Variants in MGRN1 observed in about 807,000 individuals in gnomAD.
MGRN1 encodes the protein mahogunin ring finger 1, also known as E3 ubiquitin-protein ligase MGRN1.
Under a neutral mutation model 69.2 loss-of-function variants are expected in MGRN1, and 29 were observed. The observed-to-expected ratio is 0.42, with a 90% CI of 0.31 to 0.57. MGRN1 has a LOEUF of 0.57. Among genes scored for constraint, MGRN1 ranks in the 20% least tolerant of loss-of-function variants. The pLI is 0.15. For missense variants in MGRN1, 998 were observed against 796.2 expected (o/e 1.25, Z -3.05); for synonymous variants, 470 against 344.2 (o/e 1.37, Z -4.04).
At chr16:4,637,116 C>T (rs1306963652) in intron 1 of MGRN1, among the ~76,000 whole-genome samples, 3 of 97,800 alleles carry the variant, frequency 3.1e-5, no homozygotes, top group African/African-American at 4.7e-5. Context: ...AAGACTCCAT[C>T]TCAAAAAAAA....
At chr16:4,641,325 C>T (rs1235202051) in intron 1 of MGRN1, among the ~76,000 whole-genome samples, 1 of 151,892 alleles carries the variant, frequency 6.6e-6, no homozygotes, top group Non-Finnish European at 1.5e-5. Context: ...TGTGGATACC[C>T]ATGTGTGAGC....
chr16:4,651,915 T>G (rs765147111), intron 2 of MGRN1, 48 bp from the exon 3 acceptor site: 3 of 1,562,826 alleles, frequency 1.9e-6, no homozygotes, highest in South Asian at 1.1e-5. Context: ...TTTCTGTTGT[T>G]GGCTGCTCCT....
At chr16:4,686,301 C>G (rs998499702) in intron 16 of MGRN1, 2 of 1,544,808 alleles carry the variant, frequency 1.3e-6, no homozygotes, top group African/African-American at 1.4e-5. Context: ...GACGAGTAAG[C>G]CGGTACGTGA....
chr16:4,676,462 G>T (rs919892920), intron 10 of MGRN1, among the ~76,000 whole-genome samples: 4 of 152,200 alleles, frequency 2.6e-5, no homozygotes, highest in Non-Finnish European at 4.4e-5. Context: ...GGTGTGTGGG[G>T]TCAGTGGGTC....
At chr16:4,632,965 C>T (rs1898085145) in intron 1 of MGRN1, among the ~76,000 whole-genome samples, 1 of 152,142 alleles carries the variant, frequency 6.6e-6, no homozygotes. Context: ...CACCTTTAGT[C>T]CTAGCTACCT....
At chr16:4,648,681 ACCCGGGTCCTCCT>A (rs2078332640) in intron 1 of MGRN1, among the ~76,000 whole-genome samples, 1 of 82,230 alleles carries the variant, frequency 1.2e-5, no homozygotes, top group South Asian at 4.9e-4. Flanking sequence ...TCCCGTGGTC[ACCCGGGTCCTCCT>A]CCCGGGGGCT....
chr16:4,687,054 C>A (rs1384967794), intron 16 of MGRN1: 1 of 985,624 alleles, frequency 1.0e-6, no homozygotes, highest in African/African-American at 1.7e-5. Flanking sequence ...CACCGTGGGC[C>A]TGGCATCACC....
chr16:4,674,702 G>A (rs1198190852), intron 10 of MGRN1, among the ~76,000 whole-genome samples: 4 of 130,072 alleles, frequency 3.1e-5, no homozygotes, highest in East Asian at 5.2e-4. Context: ...CTGCAGTGGC[G>A]CAATCTCGGC....
intron 4 of MGRN1, among the ~76,000 whole-genome samples, chr16:4,653,112 C>T (rs1241737440): frequency 6.6e-6 from 1 of 152,234 alleles, no homozygotes; most frequent in Non-Finnish European, 1.5e-5. Flanking sequence ...ACTTCAGATG[C>T]CACTCATAAG....
intron 8 of MGRN1, among the ~76,000 whole-genome samples, chr16:4,668,809 TACAG>T (rs757123920): frequency 4.7e-5 from 7 of 150,366 alleles, no homozygotes; most frequent in Admixed American, 2.0e-4. Flanking sequence ...CACACACGTA[TACAG>T]ACACACACTC....
At chr16:4,657,916 G>T (rs912225560) in intron 5 of MGRN1, among the ~76,000 whole-genome samples, 1 of 151,386 alleles carries the variant, frequency 6.6e-6, no homozygotes, top group Non-Finnish European at 1.5e-5. Flanking sequence ...CTAATTTTTT[G>T]TATTTTTAGT....
intron 1 of MGRN1, among the ~76,000 whole-genome samples, chr16:4,646,516 G>A (rs1296940725): frequency 6.6e-6 from 1 of 152,050 alleles, no homozygotes; most frequent in African/African-American, 2.4e-5. Context: ...CCGGCATGCC[G>A]GTGCTGGGTT....
At chr16:4,665,325 TGAGGCC>T (rs1381517140) in intron 7 of MGRN1, among the ~76,000 whole-genome samples, 174 bp downstream of exon 7, 2 of 150,436 alleles carry the variant, frequency 1.3e-5, no homozygotes, top group Admixed American at 6.6e-5. Flanking sequence ...ATTCTGGTCC[TGAGGCC>T]GAGTGCCGCT....
At chr16:4,688,144 T>G (rs2079375824) in intron 16 of MGRN1, 1 of 985,400 alleles carries the variant, frequency 1.0e-6, no homozygotes, top group Non-Finnish European at 1.2e-6. Context: ...GGGAGCCATG[T>G]GTCAGGGCTG....
intron 16 of MGRN1, chr16:4,688,577 G>C (rs946683777): frequency 1.5e-6 from 2 of 1,297,828 alleles, no homozygotes; most frequent in Non-Finnish European, 9.8e-7. Flanking sequence ...CGGGGATCTG[G>C]GATCGTCTGT....
At chr16:4,677,341 G>T in intron 10 of MGRN1, 122 bp from the exon 11 acceptor site, 1 of 541,314 alleles carries the variant, frequency 1.8e-6, no homozygotes, top group East Asian at 3.4e-5. Flanking sequence ...GTTGTGATCT[G>T]GAAGCGGGGT....
intron 1 of MGRN1, among the ~76,000 whole-genome samples, chr16:4,644,983 A>G (rs979224966): frequency 6.6e-6 from 1 of 152,178 alleles, no homozygotes; most frequent in Non-Finnish European, 1.5e-5. Flanking sequence ...TTGTTTTACA[A>G]ATGATATATG....
intron 7 of MGRN1, among the ~76,000 whole-genome samples, chr16:4,667,895 G>C (rs190450808): frequency 1.9e-4 from 29 of 152,222 alleles, no homozygotes; most frequent in African/African-American, 6.7e-4. Flanking sequence ...CTTGATTCTT[G>C]CTGCCAGGTG....
At chr16:4,656,200 T>G (rs1401513045) in intron 4 of MGRN1, among the ~76,000 whole-genome samples, 1 of 152,234 alleles carries the variant, frequency 6.6e-6, no homozygotes, top group African/African-American at 2.4e-5. Flanking sequence ...GGCACCTGTC[T>G]TAGGGATGCA....
Sources: gnomAD v4.1 joint callset for allele counts (sites outside exome capture counted in the v4.1 genomes callset) on GRCh38, gnomAD v4.1.1 for gene constraint, MANE v1.5 for transcripts, NCBI Gene and HGNC (gene_info 2026-07-23, HGNC 2026-07-21) for gene names.